The following BICC1 variants were observed in gnomAD, a reference collection of about 807,000 sequenced individuals.
BICC1 encodes the protein BicC family RNA binding protein 1.
A neutral mutation model predicts 111.0 loss-of-function variants in BICC1; 43 were observed. The observed-to-expected ratio is 0.39, with a 90% CI of 0.30 to 0.50. The LOEUF (loss-of-function observed/expected upper bound fraction) is 0.50. BICC1 is among the 20% of genes least tolerant of loss of function. The pLI is 0.88. For missense variants in BICC1, 1,091 were observed against 1,203.2 expected, an observed-to-expected ratio of 0.91 and a Z score of 1.38; for synonymous variants, 467 against 434.4, an observed-to-expected ratio of 1.07 and a Z score of -0.93.
At chr10:58,678,218 G>A (rs1839404696) in intron 2 of BICC1, among the ~76,000 whole-genome samples, 1 of 152,146 alleles carries the variant, frequency 6.6e-6, no homozygotes, top group African/African-American at 2.4e-5. Flanking sequence ...AATGTAAATG[G>A]GCTAAATGCC....
At chr10:58,569,125 C>T (rs1471599573) in intron 1 of BICC1, among the ~76,000 whole-genome samples, 4 of 152,166 alleles carry the variant, frequency 2.6e-5, no homozygotes, top group African/African-American at 7.2e-5. Context: ...ACTAGAAATG[C>T]TGTTCATGTA....
chr10:58,799,972 T>C (rs1843487904), intron 12 of BICC1, among the ~76,000 whole-genome samples: 1 of 152,176 alleles, frequency 6.6e-6, no homozygotes, highest in Non-Finnish European at 1.5e-5. Flanking sequence ...TTGATTCTCC[T>C]GATCCCTGAG....
At chr10:58,702,808 T>C (rs1371134971) in intron 3 of BICC1, among the ~76,000 whole-genome samples, 1 of 152,158 alleles carries the variant, frequency 6.6e-6, no homozygotes, top group Non-Finnish European at 1.5e-5. Context: ...CTTTGTGGAG[T>C]ATATTTCATT....
intron 2 of BICC1, among the ~76,000 whole-genome samples, chr10:58,656,457 A>G (rs1381441628): frequency 6.6e-6 from 1 of 150,394 alleles, no homozygotes; most frequent in Non-Finnish European, 1.5e-5. Context: ...TCAATAAAAT[A>G]CTGGCAAAAT....
intron 12 of BICC1, 151 bp downstream of exon 12, chr10:58,799,403 T>A: frequency 1.9e-6 from 1 of 530,168 alleles, no homozygotes; most frequent in Non-Finnish European, 3.0e-6. Flanking sequence ...TGTTTAAACT[T>A]TCACCTAAAA....
intron 1 of BICC1, among the ~76,000 whole-genome samples, chr10:58,549,739 G>A (rs1383690555): frequency 6.6e-6 from 1 of 150,508 alleles, no homozygotes; most frequent in Non-Finnish European, 1.5e-5. Context: ...AGGCTGGAGT[G>A]CAATGGTGTG....
In BICC1 at chr10:58,817,734, T is replaced by A; in HGVS notation, c.2694+12T>A. 1 of 1,593,618 alleles carries A rather than the reference T, an allele frequency of 6.3e-7. No individual in the cohort carries two copies. Among genetic ancestry groups the A allele is most frequent in the Non-Finnish European group, 8.5e-7 (1 of 1,169,756 alleles). On this transcript the variant is annotated intron_variant, in intron 19 of 20. Transcript: ENST00000373886. ...TCCAGCAACAAGAGGTCAGTCATTA[T>A]TTATTTTCCCAAGTATCTTTGTTTT...
chr10:58,703,209 G>T (rs189594543), intron 3 of BICC1, among the ~76,000 whole-genome samples: 55 of 133,962 alleles, frequency 4.1e-4, no homozygotes, highest in Middle Eastern at 9.4e-3. Flanking sequence ...CTGTCACCCA[G>T]GCTGGAGTGC....
intron 1 of BICC1, among the ~76,000 whole-genome samples, chr10:58,576,405 T>G (rs1452411270): frequency 6.6e-6 from 1 of 151,090 alleles, no homozygotes; most frequent in African/African-American, 2.5e-5. Flanking sequence ...CTACAAGAAT[T>G]TCTAAATACT....
rs949234788 is a variant in BICC1, at chr10:58,687,675, C to T, written c.238-14399C>T. ...GGCATGGGATCTTCCAAGCCTGGCA[C>T]GGGATATAATCTCTTGGTGTGCCAT... is the stretch of plus-strand genomic sequence containing the variant. On this transcript the variant is annotated intron_variant, in intron 2 of 20. Coordinates refer to ENST00000373886, the MANE Select transcript of BICC1 (RefSeq NM_001080512.3). Among the ~76,000 whole-genome samples the T allele has an allele frequency of 7.2e-5, 11 of 152,294 alleles. No homozygotes were observed. In the East Asian group the frequency reaches 1.2e-3, roughly 16 times the overall value.
At chr10:58,581,746 A>AC (rs1283570411) in intron 1 of BICC1, among the ~76,000 whole-genome samples, 1 of 151,658 alleles carries the variant, frequency 6.6e-6, no homozygotes, top group Non-Finnish European at 1.5e-5. Context: ...TGCTAAGGGG[A>AC]CCCCCTCCCT....
chr10:58,580,108 T>A (rs1361509047), intron 1 of BICC1, among the ~76,000 whole-genome samples: 2 of 151,938 alleles, frequency 1.3e-5, no homozygotes, highest in African/African-American at 4.8e-5. Context: ...CACTGCAACC[T>A]TCACCTCCTG....
intron 1 of BICC1, among the ~76,000 whole-genome samples, chr10:58,523,727 G>T (rs1222065296): frequency 6.6e-6 from 1 of 151,922 alleles, no homozygotes; most frequent in Non-Finnish European, 1.5e-5. Context: ...GAGAAAGAAA[G>T]AAAGGGTATT....
At chr10:58,817,764 G>T in intron 19 of BICC1, 42 bp downstream of exon 19, 1 of 1,556,718 alleles carries the variant, frequency 6.4e-7, no homozygotes, top group South Asian at 1.2e-5. Context: ...TGTTTTGATT[G>T]TGTGTATGAT....
At chr10:58,643,445 T>A (rs756343561) in intron 2 of BICC1, among the ~76,000 whole-genome samples, 1 of 152,212 alleles carries the variant, frequency 6.6e-6, no homozygotes, top group Non-Finnish European at 1.5e-5. Context: ...ATCAGAGAAA[T>A]CTTTTAGCTA....
At chr10:58,618,660 GTGTC>G (rs1449064367) in intron 1 of BICC1, among the ~76,000 whole-genome samples, 1 of 152,204 alleles carries the variant, frequency 6.6e-6, no homozygotes, top group African/African-American at 2.4e-5. Context: ...GCGTGACACA[GTGTC>G]TGGGTGCAGT....
chr10:58,765,866 A>C (rs1842442551), intron 3 of BICC1, among the ~76,000 whole-genome samples: 1 of 152,224 alleles, frequency 6.6e-6, no homozygotes, highest in African/African-American at 2.4e-5. Flanking sequence ...AGGTTCTGTT[A>C]AAATTTAATC....
chr10:58,772,707 G>A (rs1049499206), intron 3 of BICC1, among the ~76,000 whole-genome samples: 1 of 152,136 alleles, frequency 6.6e-6, no homozygotes. Flanking sequence ...TTATAGGCCG[G>A]TTTGTTTACA....
intron 2 of BICC1, among the ~76,000 whole-genome samples, chr10:58,659,957 A>G (rs932619768): frequency 2.0e-5 from 3 of 152,204 alleles, no homozygotes; most frequent in Non-Finnish European, 4.4e-5. Flanking sequence ...GCATGGAGGT[A>G]GTTTTGTGTG....
Sources: allele counts gnomAD v4.1 joint callset (sites outside exome capture counted in the v4.1 genomes callset), GRCh38; gene constraint gnomAD v4.1.1; transcripts MANE v1.5; gene names NCBI Gene and HGNC (gene_info 2026-07-23, HGNC 2026-07-21).